The following SLC24A2 variants were observed in gnomAD, a reference collection of about 807,000 sequenced individuals.
SLC24A2 encodes the protein solute carrier family 24 member 2, also known as sodium/potassium/calcium exchanger 2.
SLC24A2 carries 36 observed loss-of-function variants against 62.0 expected under a neutral mutation model. The ratio of observed to expected loss-of-function variants is 0.58; its 90% CI spans 0.44 to 0.77. The LOEUF is 0.77. Ranked by LOEUF, SLC24A2 falls within the 30% of genes least tolerant of loss-of-function variation. The pLI is 0.00. For missense variants in SLC24A2, 846 were observed against 817.9 expected (o/e 1.03, Z -0.42); for synonymous variants, 358 against 294.0 (o/e 1.22, Z -2.23).
chr9:20,162,740 TG>T, the SLC24A2 span, among the ~76,000 whole-genome samples: 1 of 152,044 alleles, frequency 6.6e-6, no homozygotes, highest in Non-Finnish European at 1.5e-5. Flanking sequence ...AATAAAATAC[TG>T]GAAAACCGAA....
chr9:20,129,891 G>T, the SLC24A2 span, among the ~76,000 whole-genome samples: 1 of 144,382 alleles, frequency 6.9e-6, no homozygotes, highest in Non-Finnish European at 1.5e-5. Context: ...TGTGCTAAAT[G>T]TAACTAATGG....
the SLC24A2 span, among the ~76,000 whole-genome samples, chr9:20,270,190 C>T: frequency 6.6e-6 from 1 of 152,138 alleles, no homozygotes; most frequent in Non-Finnish European, 1.5e-5. Context: ...GGGATCCAAC[C>T]CCATGACCCA....
chr9:19,738,953 CTAA>C (rs1163087469), intron 2 of SLC24A2, among the ~76,000 whole-genome samples: 3 of 152,026 alleles, frequency 2.0e-5, no homozygotes, highest in Admixed American at 6.6e-5. Context: ...CCCACCTCTA[CTAA>C]TAATACAAAA....
chr9:19,569,894 G>C (rs1009382742), intron 7 of SLC24A2, among the ~76,000 whole-genome samples: 1 of 152,102 alleles, frequency 6.6e-6, no homozygotes, highest in South Asian at 2.1e-4. Flanking sequence ...CTGTTCCTTT[G>C]GCTGGCTCCT....
chr9:20,261,361 G>A, the SLC24A2 span, among the ~76,000 whole-genome samples: 1 of 152,130 alleles, frequency 6.6e-6, no homozygotes, highest in Non-Finnish European at 1.5e-5. Flanking sequence ...ATCTAGTGAG[G>A]GCCTTCAGGC....
intron 8 of SLC24A2, among the ~76,000 whole-genome samples, chr9:19,529,537 G>A (rs952644696): frequency 6.6e-6 from 1 of 152,048 alleles, no homozygotes; most frequent in African/African-American, 2.4e-5. Context: ...ATGACTGTAA[G>A]ACCAAGCAGG....
chr9:19,711,762 C>T (rs1820720932), intron 2 of SLC24A2, among the ~76,000 whole-genome samples: 1 of 152,168 alleles, frequency 6.6e-6, no homozygotes, highest in Non-Finnish European at 1.5e-5. Context: ...CTGAGTAATA[C>T]TCATACCTTA....
At chr9:20,200,471 C>G in the SLC24A2 span, among the ~76,000 whole-genome samples, 6 of 152,218 alleles carry the variant, frequency 3.9e-5, no homozygotes, top group African/African-American at 1.4e-4. Flanking sequence ...TAAACCCACA[C>G]TAAATGTATC....
At chr9:19,662,665 T>C (rs1430747653) in intron 2 of SLC24A2, among the ~76,000 whole-genome samples, 2 of 152,170 alleles carry the variant, frequency 1.3e-5, no homozygotes, top group African/African-American at 4.8e-5. Context: ...GCAGGCCTCC[T>C]CATCTTGGTG....
At chr9:20,262,576 C>T in the SLC24A2 span, among the ~76,000 whole-genome samples, 1 of 152,176 alleles carries the variant, frequency 6.6e-6, no homozygotes, top group African/African-American at 2.4e-5. Context: ...TCAGTACAGC[C>T]CAGAAATAAC....
chr9:20,105,599 C>T, the SLC24A2 span, among the ~76,000 whole-genome samples: 1 of 152,164 alleles, frequency 6.6e-6, no homozygotes, highest in African/African-American at 2.4e-5. Context: ...TGAATGACTA[C>T]TGGGTACATA....
intron 3 of SLC24A2, among the ~76,000 whole-genome samples, chr9:19,621,164 C>A (rs1337946601): frequency 6.6e-6 from 1 of 152,220 alleles, no homozygotes; most frequent in African/African-American, 2.4e-5. Flanking sequence ...ATGGTCCACA[C>A]ATTTGGAGAC....
chr9:20,074,312 A>G, the SLC24A2 span, among the ~76,000 whole-genome samples: 1 of 151,860 alleles, frequency 6.6e-6, no homozygotes. Context: ...TTAAGCACTA[A>G]TACTCTGTTC....
the SLC24A2 span, among the ~76,000 whole-genome samples, chr9:20,236,520 T>C: frequency 1.3e-5 from 2 of 152,310 alleles, no homozygotes; most frequent in African/African-American, 4.8e-5. Context: ...CCTCTGTACT[T>C]GATTCTCTGT....
At chr9:20,209,423 T>C in the SLC24A2 span, among the ~76,000 whole-genome samples, 1 of 152,184 alleles carries the variant, frequency 6.6e-6, no homozygotes, top group Non-Finnish European at 1.5e-5. Context: ...CCTGTAAAAA[T>C]ATTCTAAGAA....
the SLC24A2 span, among the ~76,000 whole-genome samples, chr9:19,846,254 T>C: frequency 3.9e-5 from 6 of 152,210 alleles, no homozygotes; most frequent in Admixed American, 3.3e-4. Flanking sequence ...GAAGTACTTA[T>C]TTTATGAACC....
chr9:20,154,765 A>G, the SLC24A2 span, among the ~76,000 whole-genome samples: 1 of 151,710 alleles, frequency 6.6e-6, no homozygotes, highest in Admixed American at 6.6e-5. Context: ...TGATCTCCAG[A>G]TTGATGCAGT....
chr9:20,116,534 C>T, the SLC24A2 span, among the ~76,000 whole-genome samples: 2 of 152,170 alleles, frequency 1.3e-5, no homozygotes, highest in African/African-American at 2.4e-5. Context: ...GCTTTCATAG[C>T]ATCCTGTGCT....
intron 8 of SLC24A2, among the ~76,000 whole-genome samples, chr9:19,547,719 G>T (rs1427116693): frequency 2.0e-5 from 3 of 151,448 alleles, no homozygotes; most frequent in African/African-American, 7.4e-5. Context: ...CATCTTCTGG[G>T]GGCCACACCA....
Sources: gnomAD v4.1 joint callset for allele counts (sites outside exome capture counted in the v4.1 genomes callset) on GRCh38, gnomAD v4.1.1 for gene constraint, MANE v1.5 for transcripts, NCBI Gene and HGNC (gene_info 2026-07-23, HGNC 2026-07-21) for gene names.